The following PIGN variants were observed in gnomAD, a reference collection of about 807,000 sequenced individuals.
PIGN encodes the protein GPI ethanolamine phosphate transferase 1.
Under a neutral mutation model 125.4 loss-of-function variants are expected in PIGN, and 117 were observed. That is an observed-to-expected ratio of 0.93 (90% confidence interval 0.80 to 1.09). The LOEUF is 1.09. Ranked by LOEUF, PIGN falls within the 50% of genes least tolerant of loss-of-function variation. The pLI, the probability that PIGN is intolerant of heterozygous loss-of-function variation, is 0.00. For missense variants in PIGN, 1,075 were observed against 1,094.9 expected, an observed-to-expected ratio of 0.98 and a Z score of 0.26; for synonymous variants, 392 against 377.8, an observed-to-expected ratio of 1.04 and a Z score of -0.44.
chr18:62,050,733 C>A (rs1283026176), intron 30 of PIGN, among the ~76,000 whole-genome samples: 1 of 152,158 alleles, frequency 6.6e-6, no homozygotes, highest in African/African-American at 2.4e-5. Context: ...ACTTCCAACA[C>A]TATGTTGAAT....
intron 30 of PIGN, among the ~76,000 whole-genome samples, chr18:62,060,104 T>C (rs947090881): frequency 9.2e-5 from 14 of 152,216 alleles, no homozygotes; most frequent in Admixed American, 7.9e-4. Context: ...GAAACAGTTG[T>C]GAAGCTCATC....
At chr18:62,144,574 GA>G (rs2036251190) in intron 10 of PIGN, among the ~76,000 whole-genome samples, 1 of 152,034 alleles carries the variant, frequency 6.6e-6, no homozygotes, top group Non-Finnish European at 1.5e-5. Flanking sequence ...CCTCTGCCTG[GA>G]ACACTCCTGC....
rs1241677806 is a variant in PIGN, at chr18:62,153,783, C to T, written c.549+762G>A. The T allele has an allele frequency of 7.9e-5, 12 of 152,206 alleles. No individual in the cohort carries two copies. In the East Asian group the frequency reaches 1.7e-3, roughly 22 times the overall value. 9.4% of individuals were successfully genotyped at this position (152,206 alleles called of 1,614,324 possible). A position where few individuals can be genotyped will look rare whatever the true frequency, so the allele number is the denominator to read the frequency against. Reference sequence around the variant, plus strand: ...AAAGGCAGATATATACTAAGGAGTACATTTACAAACAAACAAAAATGGCTA... The same window carrying T: ...AAAGGCAGATATATACTAAGGAGTATATTTACAAACAAACAAAAATGGCTA... On this transcript the variant is annotated intron_variant, in intron 7 of 30. Coordinates refer to ENST00000640252, the MANE Select transcript of PIGN (RefSeq NM_176787.5).
rs759345956 is a variant in PIGN at position 62,157,233 on chromosome 18, G to C, written c.344-6C>G. 1 of 1,513,228 alleles carries C rather than the reference G, an allele frequency of 6.6e-7. No individual in the cohort carries two copies. Among genetic ancestry groups the C allele is most frequent in the Non-Finnish European group, 9.1e-7 (1 of 1,092,938 alleles). 93.7% of individuals were successfully genotyped at this position (1,513,228 alleles called of 1,614,324 possible). On this transcript the variant is annotated splice_polypyrimidine_tract_variant and splice_region_variant and intron_variant, in intron 5 of 30. Transcript: ENST00000640252. ...TACAGGATTTTCCTTCCATCCTTCA[G>C]AAAGCAAGCAAGCAGTAATAGTTAT...
chr18:62,041,640 G>GGGGTGTGTGTGTGTGTGT lies in PIGN; in HGVS notation c.*4215_*4216insACACACACACACACACCC, dbSNP rs1355691128. 5.4e-4 allele frequency: 42 copies of GGGGTGTGTGTGTGTGTGT among 77,542 alleles called. No homozygotes were observed. The highest frequency in any genetic ancestry group is 5.9e-4 in the Non-Finnish European group (24 of 40,874). The allele number at this position is 77,542 out of a possible 1,614,324, so 4.8% of individuals were successfully genotyped here. Reference sequence around the variant, plus strand: ...ATTACAGGAGCCTACCACCCCGCCGGGTGTGTGTGTGTGTGTGTGTGTGTG... The same window carrying GGGGTGTGTGTGTGTGTGT: ...ATTACAGGAGCCTACCACCCCGCCGGGGGTGTGTGTGTGTGTGTGTGTGTGTGTGTGTGTGTGTGTGTG... On this transcript the variant is annotated 3_prime_UTR_variant, in exon 31 of 31. Transcript: ENST00000640252.
At chr18:62,039,053 A>G (rs965290205), downstream of PIGN, among the ~76,000 whole-genome samples, 3 of 151,978 alleles carry the variant, frequency 2.0e-5, no homozygotes, top group Admixed American at 6.5e-5. Flanking sequence ...CAGGAGTGAA[A>G]GAGCAGAGAG....
rs765678852 is a variant in PIGN at position 62,102,876 on chromosome 18, A to G, written c.1886T>C (p.Leu629Pro). 2.5e-6 allele frequency: 4 copies of G among 1,585,034 alleles called. No individual in the cohort carries two copies. Among genetic ancestry groups the G allele is most frequent in the Admixed American group, 3.6e-5 (2 of 55,862 alleles). Residue 629 changes from leucine (L) to proline (P), a missense_variant, in exon 21 of 31, where the codon CTG becomes CCG. By Grantham distance (98) the Leu-to-Pro change is moderately conservative (BLOSUM62 -3). Transcript: ENST00000640252. ...LVMGAGLLVL[L>P]LSLCVVTSLM... ...AGATGTTACAACACACAGGGATAAC[A>G]GAAGAACCAGCAAGCCTGCACCCAT...
At chr18:62,135,412 A>G (rs977259717) in intron 14 of PIGN, among the ~76,000 whole-genome samples, 1 of 152,014 alleles carries the variant, frequency 6.6e-6, no homozygotes, top group Admixed American at 6.6e-5. Flanking sequence ...GAACCAGTAC[A>G]TGGGAATCAG....
intron 23 of PIGN, among the ~76,000 whole-genome samples, chr18:62,030,697 C>A (rs1018054107): frequency 2.0e-5 from 3 of 152,224 alleles, no homozygotes; most frequent in Non-Finnish European, 4.4e-5. Context: ...GATACTCAAA[C>A]TTGTGGCCCA....
Position 62,077,594 on chromosome 18 carries a change from T to C in PIGN, c.2577-2773A>G, listed in dbSNP as rs557844649. ...CTTATCTATAAAATGGTTGTAATAA[T>C]ATCTATATTTCCTAGTATCATTGGA... On this transcript the variant is annotated intron_variant, in intron 28 of 30. Transcript: ENST00000640252. Among the ~76,000 whole-genome samples, 5 of 152,318 alleles carry C rather than the reference T, an allele frequency of 3.3e-5. No individual in the cohort carries two copies. The East Asian group carries it at 9.7e-4, about 29-fold the overall frequency.
chr18:62,038,805 C>G (rs1406724303), downstream of PIGN, among the ~76,000 whole-genome samples: 1 of 151,974 alleles, frequency 6.6e-6, no homozygotes, highest in Non-Finnish European at 1.5e-5. Flanking sequence ...GTGGTTCCAG[C>G]TATTCAGGAG....
intron 13 of PIGN, among the ~76,000 whole-genome samples, chr18:62,138,595 G>A (rs956613792): frequency 2.0e-5 from 3 of 152,100 alleles, no homozygotes; most frequent in Non-Finnish European, 4.4e-5. Context: ...AAAGCATTAA[G>A]AATAACAGAA....
downstream of PIGN, among the ~76,000 whole-genome samples, chr18:62,036,739 C>T (rs994696478): frequency 6.6e-6 from 1 of 152,126 alleles, no homozygotes. Context: ...CTGCCATAGG[C>T]CCTGAAAGAA....
chr18:62,179,207 A>G (rs1036195682), intron 1 of PIGN, among the ~76,000 whole-genome samples: 1 of 152,190 alleles, frequency 6.6e-6, no homozygotes, highest in Non-Finnish European at 1.5e-5. Flanking sequence ...TTAATATAAA[A>G]CTTGACCACT....
At chr18:62,137,310 G>A (rs2035969234) in intron 14 of PIGN, 2 of 409,668 alleles carry the variant, frequency 4.9e-6, no homozygotes, top group Non-Finnish European at 4.3e-6. Flanking sequence ...TATACTGTCA[G>A]CTTCCCTACT....
At chr18:62,020,224 C>T (rs1474164845) in intron 23 of PIGN, among the ~76,000 whole-genome samples, 1 of 152,198 alleles carries the variant, frequency 6.6e-6, no homozygotes, top group African/African-American at 2.4e-5. Context: ...AGAAAGGCTG[C>T]TCTAGATCTA....
chr18:62,098,107 T>C (rs2034286055), intron 22 of PIGN, among the ~76,000 whole-genome samples: 1 of 152,206 alleles, frequency 6.6e-6, no homozygotes, highest in Admixed American at 6.5e-5. Flanking sequence ...TAAATACAAT[T>C]TCACCTATAC....
chr18:62,177,141 T>C (rs1351186082), intron 1 of PIGN, among the ~76,000 whole-genome samples: 1 of 152,214 alleles, frequency 6.6e-6, no homozygotes, highest in Non-Finnish European at 1.5e-5. Flanking sequence ...GCATAAACCA[T>C]ATTAAAAAGC....
At chr18:62,056,083 A>G (rs1037093794) in intron 30 of PIGN, among the ~76,000 whole-genome samples, 20 of 144,530 alleles carry the variant, frequency 1.4e-4, no homozygotes, top group Non-Finnish European at 2.7e-4. Context: ...AAAAACCGCA[A>G]TTACTTTTGC....
Sources: allele counts gnomAD v4.1 joint callset (sites outside exome capture counted in the v4.1 genomes callset), GRCh38; gene constraint gnomAD v4.1.1; transcripts MANE v1.5; gene names NCBI Gene and HGNC (gene_info 2026-07-23, HGNC 2026-07-21).